Variants in COL4A5 observed in about 807,000 individuals in gnomAD.
The protein encoded by COL4A5 is collagen alpha-5(IV) chain.
In COL4A5, 26 loss-of-function variants were observed where a neutral mutation model predicts 130.2. The observed-to-expected ratio is 0.20, with a 90% CI of 0.15 to 0.28. The LOEUF (loss-of-function observed/expected upper bound fraction) is 0.28. COL4A5 is among the 10% of genes least tolerant of loss of function. The pLI, the probability that COL4A5 is intolerant of heterozygous loss-of-function variation, is 1.00. For missense variants in COL4A5, 1,131 were observed against 1,344.3 expected, an observed-to-expected ratio of 0.84 and a Z score of 2.48; for synonymous variants, 496 against 439.6, an observed-to-expected ratio of 1.13 and a Z score of -1.60.
intron 25 of COL4A5, among the ~76,000 whole-genome samples, chrX:108,600,338 A>G (rs1415041101): frequency 9.0e-6 from 1 of 111,571 alleles, no homozygotes; most frequent in Non-Finnish European, 1.9e-5. Flanking sequence ...CAACTTTCAC[A>G]TCATCAAAAT....
At chrX:108,582,851 T>C (rs777095980) in intron 16 of COL4A5, 33 bp from the exon 17 acceptor site, 12 of 1,135,051 alleles carry the variant, frequency 1.1e-5, no homozygotes, top group Admixed American at 6.6e-5. Context: ...CCATCATTTG[T>C]GCTGATGTCA....
intron 1 of COL4A5, among the ~76,000 whole-genome samples, chrX:108,489,342 T>C (rs1160988098): frequency 9.0e-6 from 1 of 111,440 alleles, no homozygotes; most frequent in Non-Finnish European, 1.9e-5. Flanking sequence ...TCAAAGTCTG[T>C]CATGTATTGT....
chrX:108,591,060 G>A lies in COL4A5; in HGVS notation c.1168G>A (p.Ala390Thr). ...TTGATCACTTTTTTGAATCTTAGGG[G>A]CTGCAGTTATGGGTCCTCCTGGCCC... is the stretch of plus-strand genomic sequence containing the variant. ...GPPGLPGPPGAAVMGPPGPPG... is the reference protein window; with the variant it reads ...GPPGLPGPPGTAVMGPPGPPG... The change falls in exon 20 of 53, where the codon GCT (alanine) becomes ACT (threonine). Residue 390 changes from alanine to threonine, a missense_variant and splice_region_variant. Coordinates refer to ENST00000328300, the MANE Select transcript of COL4A5 (RefSeq NM_033380.3). The A allele has an allele frequency of 2.5e-6, 3 of 1,208,703 alleles. No individual in the cohort carries two copies. The highest frequency in any genetic ancestry group is 3.0e-5 in the East Asian group (1 of 33,805).
chrX:108,494,329 G>A (rs954942669), intron 1 of COL4A5, among the ~76,000 whole-genome samples: 4 of 111,302 alleles, frequency 3.6e-5, no homozygotes, highest in South Asian at 3.7e-4. Context: ...GTATCCTAAC[G>A]ACAAATGGAT....
intron 1 of COL4A5, among the ~76,000 whole-genome samples, chrX:108,516,716 A>T (rs954689995): frequency 4.5e-5 from 5 of 112,081 alleles, no homozygotes; most frequent in African/African-American, 1.6e-4. Flanking sequence ...TTTTCATAAC[A>T]TCCAGAAATA....
intron 1 of COL4A5, among the ~76,000 whole-genome samples, chrX:108,490,983 G>GTTCT (rs2064988405): frequency 8.9e-6 from 1 of 111,893 alleles, no homozygotes; most frequent in Admixed American, 9.5e-5. Context: ...ACATGATCTT[G>GTTCT]TTCTTTATTA....
At chrX:108,651,053 T>C (rs2067717018) in intron 36 of COL4A5, among the ~76,000 whole-genome samples, 1 of 112,034 alleles carries the variant, frequency 8.9e-6, no homozygotes, top group Non-Finnish European at 1.9e-5. Context: ...GAAAACATTA[T>C]GCTAAGTGAA....
At position 108,597,357 on chromosome X, in the gene COL4A5, T is replaced by C; in HGVS notation, c.1588-20T>C. 1 of 1,197,711 alleles carries C rather than the reference T, an allele frequency of 8.3e-7. No individual in the cohort carries two copies. Among genetic ancestry groups the C allele is most frequent in the Non-Finnish European group, 1.1e-6 (1 of 884,141 alleles). On this transcript the variant is annotated intron_variant, in intron 23 of 52. Coordinates refer to ENST00000328300, the MANE Select transcript of COL4A5 (RefSeq NM_033380.3). ...TCTTCTTTTTCCACTCTTTTTTCTT[T>C]TTTTCCTTACTCATTTCAGGGCATT...
intron 49 of COL4A5, among the ~76,000 whole-genome samples, chrX:108,690,891 G>A (rs1295480398): frequency 8.9e-6 from 1 of 111,891 alleles, no homozygotes; most frequent in East Asian, 2.8e-4. Context: ...ATTCACAATA[G>A]CAAAGATATG....
intron 1 of COL4A5, among the ~76,000 whole-genome samples, chrX:108,483,483 A>G (rs1389370626): frequency 9.0e-6 from 1 of 111,337 alleles, no homozygotes; most frequent in Non-Finnish European, 1.9e-5. Context: ...GCAGCTGATT[A>G]GATTGTGCCC....
intron 37 of COL4A5, among the ~76,000 whole-genome samples, chrX:108,658,656 T>A (rs756429808): frequency 3.6e-4 from 40 of 111,779 alleles, no homozygotes; most frequent in Non-Finnish European, 7.0e-4. Context: ...TCAAGGAAAT[T>A]GACCATTTCA....
intron 1 of COL4A5, among the ~76,000 whole-genome samples, chrX:108,537,239 T>C (rs1037716925): frequency 1.8e-5 from 2 of 111,335 alleles, no homozygotes; most frequent in Admixed American, 9.6e-5. Flanking sequence ...TTGGTGTGCG[T>C]ATTACAATTG....
At chrX:108,480,551 T>C (rs1402026766) in intron 1 of COL4A5, among the ~76,000 whole-genome samples, 1 of 112,835 alleles carries the variant, frequency 8.9e-6, no homozygotes, top group Non-Finnish European at 1.9e-5. Context: ...ACCCCTGAGG[T>C]AGGACAGTAA....
chrX:108,578,977 C>T (rs943426730), intron 13 of COL4A5, among the ~76,000 whole-genome samples: 5 of 111,640 alleles, frequency 4.5e-5, no homozygotes, highest in Non-Finnish European at 9.4e-5. Context: ...CATGCCTGGC[C>T]AAGATCATTA....
intron 2 of COL4A5, among the ~76,000 whole-genome samples, chrX:108,547,008 G>A (rs1258658171): frequency 1.8e-5 from 2 of 111,600 alleles, no homozygotes; most frequent in Non-Finnish European, 3.8e-5. Context: ...TTAGCCATTC[G>A]TCTAATCTTT....
rs777915805 is a variant in COL4A5, at chrX:108,645,989, A to T, written c.3247-9342A>T. On this transcript the variant is annotated intron_variant, in intron 36 of 52. Coordinates refer to ENST00000328300, the MANE Select transcript of COL4A5 (RefSeq NM_033380.3). ...TTAATCCAGTCTATCATTGTTGGAC[A>T]TTTGAGTTGGTTCCAAGTCTTTGCT... 1.1e-3 allele frequency among the ~76,000 whole-genome samples: 117 copies of T among 110,557 alleles called. 1 individual carries two copies. Among genetic ancestry groups the T allele is most frequent in the Non-Finnish European group, 1.9e-3 (99 of 53,075 alleles).
chrX:108,527,761 C>G (rs1296822965), intron 1 of COL4A5, among the ~76,000 whole-genome samples: 2 of 111,865 alleles, frequency 1.8e-5, no homozygotes, highest in Non-Finnish European at 3.8e-5. Flanking sequence ...ATTATCTAAC[C>G]CAATCCACCA....
intron 42 of COL4A5, among the ~76,000 whole-genome samples, chrX:108,673,926 C>T (rs1238238499): frequency 9.2e-6 from 1 of 108,261 alleles, no homozygotes; most frequent in Middle Eastern, 4.3e-3. Flanking sequence ...CCTGTAATCA[C>T]AGCTGCTCGG....
intron 2 of COL4A5, among the ~76,000 whole-genome samples, chrX:108,544,036 C>G (rs1411346687): frequency 8.9e-6 from 1 of 112,060 alleles, no homozygotes; most frequent in South Asian, 3.7e-4. Context: ...TCTAGATATA[C>G]AATCATGTCA....
Sources: gnomAD v4.1 joint callset for allele counts (sites outside exome capture counted in the v4.1 genomes callset) on GRCh38, gnomAD v4.1.1 for gene constraint, MANE v1.5 for transcripts, NCBI Gene and HGNC (gene_info 2026-07-23, HGNC 2026-07-21) for gene names.